The following SUN3 variants were observed in gnomAD, a reference collection of about 807,000 sequenced individuals.
The protein encoded by SUN3 is SUN domain-containing protein 3.
A neutral mutation model predicts 48.2 loss-of-function variants in SUN3; 36 were observed. The observed-to-expected ratio is 0.75, with a 90% CI of 0.57 to 0.99. The LOEUF is 0.99. Among genes scored for constraint, SUN3 ranks in the 50% least tolerant of loss-of-function variants. The probability of loss-of-function intolerance (pLI) is 0.00; values close to 1 mark genes in which losing one functional copy is unlikely to be tolerated. For synonymous variants in SUN3, 148 were observed against 147.9 expected, an observed-to-expected ratio of 1.00 and a Z score of 0.00; for missense variants, 419 against 433.1, an observed-to-expected ratio of 0.97 and a Z score of 0.29.
Position 48,028,651 on chromosome 7 carries a change from A to C in SUN3, c.122+166T>G, listed in dbSNP as rs1476400428. Among the ~76,000 whole-genome samples the C allele has an allele frequency of 2.0e-5, 3 of 152,266 alleles. No individual in the cohort carries two copies. In the East Asian group the frequency reaches 5.8e-4, roughly 29 times the overall value. ...CATAGAAGTATTGTGATCAAGTGTA[A>C]GACTGTGATGAAGAGAAACCTTCAA... On this transcript the variant is annotated intron_variant, in intron 1 of 9. Transcript: ENST00000297325.
rs566341935 is a variant in SUN3, at chr7:48,023,509, A to G, written c.184+2368T>C. Among the ~76,000 whole-genome samples, 6 of 152,280 alleles carry G rather than the reference A, an allele frequency of 3.9e-5. No homozygotes were observed. The East Asian group carries it at 1.2e-3, about 29-fold the overall frequency. On this transcript the variant is annotated intron_variant, in intron 2 of 9. Transcript: ENST00000297325. Reference sequence around the variant, plus strand: ...ACACAAAAGAAGGCAGTAAAGAAGGAAATGAAGAACAAAAAAGGTATAAGA... The same window carrying G: ...ACACAAAAGAAGGCAGTAAAGAAGGGAATGAAGAACAAAAAAGGTATAAGA...
rs1286421253 is a variant in SUN3, at chr7:48,001,522, G to GTTTTTTT, written c.577+4440_577+4446dup. Among the ~76,000 whole-genome samples the GTTTTTTT allele has an allele frequency of 8.3e-4, 101 of 121,906 alleles. 8 individuals are homozygous for GTTTTTTT. The highest frequency in any genetic ancestry group is 1.4e-3 in the South Asian group (5 of 3,556). The allele number at this position is 121,906 out of a possible 152,430, so 80.0% of individuals were successfully genotyped here. A position where few individuals can be genotyped will look rare whatever the true frequency, so the allele number is the denominator to read the frequency against. ...TTTAGGTTGGTTCCATGTCTTTTCT[G>GTTTTTTT]TTTTTTTTGTTTTTTTTTTTTTTTT... On this transcript the variant is annotated intron_variant, in intron 6 of 9. Coordinates refer to ENST00000297325, the MANE Select transcript of SUN3 (RefSeq NM_001030019.2).
chr7:48,019,714 C>G (rs1270898418), intron 2 of SUN3, among the ~76,000 whole-genome samples: 1 of 151,820 alleles, frequency 6.6e-6, no homozygotes, highest in African/African-American at 2.4e-5. Flanking sequence ...ACACATACAA[C>G]CTACCAAGAC....
In SUN3 at chr7:47,993,682, C is replaced by T. The variant is rs115336993; in HGVS notation, c.861+633G>A. Among the ~76,000 whole-genome samples, 405 of 152,078 alleles carry T rather than the reference C, an allele frequency of 2.7e-3. 3 individuals are homozygous for T. Among genetic ancestry groups the T allele is most frequent in the African/African-American group, 8.6e-3 (357 of 41,470 alleles). Reference sequence around the variant, plus strand: ...AGTACACTAGGGGAATAGGAGGTGACGGCTAAGGGGTATGGGGTTTCTTTT... The same window carrying T: ...AGTACACTAGGGGAATAGGAGGTGATGGCTAAGGGGTATGGGGTTTCTTTT... On this transcript the variant is annotated intron_variant, in intron 8 of 9. Transcript: ENST00000297325.
upstream of SUN3, among the ~76,000 whole-genome samples, chr7:48,029,275 A>G (rs1395221707): frequency 6.6e-6 from 1 of 152,188 alleles, no homozygotes; most frequent in African/African-American, 2.4e-5. Context: ...CCGCTTTTCG[A>G]TAGCAAATCT....
intron 8 of SUN3, 150 bp from the exon 9 acceptor site, chr7:47,989,030 A>G: frequency 2.1e-6 from 1 of 485,952 alleles, no homozygotes; most frequent in Non-Finnish European, 3.7e-6. Context: ...CCCAGAGGAT[A>G]TTTAACAAGG....
chr7:48,003,915 T>C (rs1583758385), intron 6 of SUN3, among the ~76,000 whole-genome samples: 1 of 152,238 alleles, frequency 6.6e-6, no homozygotes, highest in African/African-American at 2.4e-5. Flanking sequence ...TCTTGCCTGA[T>C]TGCCCTGGAG....
At chr7:48,013,166 C>T (rs1332715776) in intron 3 of SUN3, among the ~76,000 whole-genome samples, 3 of 152,152 alleles carry the variant, frequency 2.0e-5, no homozygotes, top group Non-Finnish European at 4.4e-5. Context: ...CCAGTCTCAA[C>T]AAAATCTGGA....
intron 4 of SUN3, among the ~76,000 whole-genome samples, chr7:48,008,106 G>A (rs1230504775): frequency 6.6e-6 from 1 of 152,112 alleles, no homozygotes; most frequent in African/African-American, 2.4e-5. Flanking sequence ...TTACAGGCGT[G>A]AGCCACCACG....
chr7:48,028,796 C>G (rs755390512), intron 1 of SUN3, 21 bp downstream of exon 1: 3 of 1,610,044 alleles, frequency 1.9e-6, no homozygotes, highest in East Asian at 4.5e-5. Flanking sequence ...TCAGGCACAC[C>G]GTTCTGCCAT....
In SUN3 at chr7:47,996,146, C is replaced by T. The variant is rs1356804605; in HGVS notation, c.578G>A (p.Gly193Glu). The T allele has an allele frequency of 6.6e-7, 1 of 1,507,052 alleles. No individual in the cohort carries two copies. The highest frequency in any genetic ancestry group is 9.0e-7 in the Non-Finnish European group (1 of 1,109,546). The allele number at this position is 1,507,052 out of a possible 1,614,324, so 93.4% of individuals were successfully genotyped here. The stretch of plus-strand genomic sequence containing the variant: ...GGTCCCAGCTTCAATGATGGAGGCT[C>T]CTAAAATTATAAAGTAAGTTGTAAA... ...EMADYALKSAGASIIEAGTSE... is the reference protein window; with the variant it reads ...EMADYALKSAEASIIEAGTSE... The change falls in exon 7 of 10, where the codon GGA (glycine) becomes GAA (glutamate). Residue 193 changes from glycine (G) to glutamate (E), a missense_variant and splice_region_variant. By Grantham distance (98) the Gly-to-Glu change is moderately conservative. Coordinates refer to ENST00000297325, the MANE Select transcript of SUN3 (RefSeq NM_001030019.2).
In SUN3 at chr7:47,987,235, C is replaced by A. The variant is rs558563721; in HGVS notation, c.*95G>T. ...ACCACTTTGAGGTTTTCTTCCCACT[C>A]CCAATTCTCAATTCCTATGGGTGCG... On this transcript the variant is annotated 3_prime_UTR_variant, in exon 10 of 10. Transcript: ENST00000297325. The A allele has an allele frequency of 1.4e-5, 19 of 1,357,922 alleles. No homozygotes were observed. Among genetic ancestry groups the A allele is most frequent in the Admixed American group, 2.5e-5 (1 of 39,382 alleles). 84.1% of individuals were successfully genotyped at this position (1,357,922 alleles called of 1,614,324 possible). A position where few individuals can be genotyped will look rare whatever the true frequency, so the allele number is the denominator to read the frequency against.
At chr7:47,999,441 C>T (rs1366219417) in intron 6 of SUN3, among the ~76,000 whole-genome samples, 1 of 152,044 alleles carries the variant, frequency 6.6e-6, no homozygotes, top group Non-Finnish European at 1.5e-5. Flanking sequence ...TGCCTTTTCC[C>T]CTATCCTCTG....
At chr7:48,010,583 G>T (rs542882108) in intron 3 of SUN3, among the ~76,000 whole-genome samples, 1 of 152,254 alleles carries the variant, frequency 6.6e-6, no homozygotes, top group Admixed American at 6.5e-5. Flanking sequence ...AATTCCCTTG[G>T]GTTTAAACTT....
intron 7 of SUN3, 109 bp from the exon 8 acceptor site, chr7:47,994,591 T>C (rs1789153160): frequency 3.4e-6 from 4 of 1,175,062 alleles, no homozygotes; most frequent in African/African-American, 1.6e-5. Context: ...GCCTATCAAA[T>C]AGGAAAACTC....
At chr7:48,002,830 C>G (rs1197906409) in intron 6 of SUN3, among the ~76,000 whole-genome samples, 1 of 152,160 alleles carries the variant, frequency 6.6e-6, no homozygotes, top group African/African-American at 2.4e-5. Context: ...ATGGTACATA[C>G]AACTTTCAGG....
Position 48,009,068 on chromosome 7 carries a change from A to T in SUN3, c.296T>A (p.Leu99His). Residue 99 changes from leucine to histidine, a missense_variant, in exon 4 of 10, where the codon CTT becomes CAT. Transcript: ENST00000297325. ...GSRLYKYQARLRMPKEQLELL... is the reference protein window; with the variant it reads ...GSRLYKYQARHRMPKEQLELL... ...TTCCAGTTGCTCTTTAGGCATACGA[A>T]GTCTGGCCTGAAAACAACAGAAAAA... 6.2e-7 allele frequency: 1 copy of T among 1,612,298 alleles called. No individual in the cohort carries two copies. Among genetic ancestry groups the T allele is most frequent in the Non-Finnish European group, 8.5e-7 (1 of 1,179,458 alleles).
chr7:48,007,333 A>T lies in SUN3; in HGVS notation c.330-6T>A. The T allele has an allele frequency of 6.2e-7, 1 of 1,612,468 alleles. No individual in the cohort carries two copies. The highest frequency in any genetic ancestry group is 8.5e-7 in the Non-Finnish European group (1 of 1,179,012). On this transcript the variant is annotated splice_polypyrimidine_tract_variant and splice_region_variant and intron_variant, in intron 4 of 9. Transcript: ENST00000297325. ...CCAGATTCTGGCTTTCCTTCCTGTA[A>T]AGGGAAAATCTCAGCATGAGAGGAA... is the stretch of plus-strand genomic sequence containing the variant.
intron 2 of SUN3, among the ~76,000 whole-genome samples, chr7:48,025,504 T>A (rs1480121473): frequency 1.3e-5 from 2 of 152,218 alleles, no homozygotes; most frequent in Non-Finnish European, 2.9e-5. Context: ...AACTGTGTGA[T>A]GAGCAAGAGT....
Sources: allele counts gnomAD v4.1 joint callset (sites outside exome capture counted in the v4.1 genomes callset), GRCh38; gene constraint gnomAD v4.1.1; transcripts MANE v1.5; gene names NCBI Gene and HGNC (gene_info 2026-07-23, HGNC 2026-07-21).